Variants in GPC5 observed in about 807,000 individuals in gnomAD.
GPC5 encodes glypican-5.
Under a neutral mutation model 53.9 loss-of-function variants are expected in GPC5, and 47 were observed. The observed-to-expected ratio is 0.87, with a 90% CI of 0.69 to 1.11. GPC5 has a LOEUF of 1.11. Ranked by LOEUF, GPC5 falls within the 50% of genes most tolerant of loss-of-function variation. The pLI, the probability that GPC5 is intolerant of heterozygous loss-of-function variation, is 0.00. For synonymous variants in GPC5, 286 were observed against 263.3 expected (o/e 1.09, Z -0.84); for missense variants, 748 against 713.1 (o/e 1.05, Z -0.56).
chr13:91,828,920 A>T (rs566741553), intron 5 of GPC5, among the ~76,000 whole-genome samples: 72 of 152,232 alleles, frequency 4.7e-4, no homozygotes, highest in African/African-American at 1.5e-3. Context: ...TTCAGCCAAA[A>T]ATGATGAATA....
intron 5 of GPC5, among the ~76,000 whole-genome samples, chr13:91,901,197 T>C (rs2039494266): frequency 6.6e-6 from 1 of 152,072 alleles, no homozygotes; most frequent in Non-Finnish European, 1.5e-5. Context: ...TAATTCCATT[T>C]ATTTTGACTT....
chr13:92,041,374 G>A (rs2040940301), intron 6 of GPC5, among the ~76,000 whole-genome samples: 1 of 152,200 alleles, frequency 6.6e-6, no homozygotes. Context: ...CACATCAGGA[G>A]TAATCAGAAC....
intron 6 of GPC5, among the ~76,000 whole-genome samples, chr13:92,108,774 A>T (rs1055796812): frequency 2.6e-5 from 4 of 151,614 alleles, no homozygotes; most frequent in African/African-American, 9.7e-5. Context: ...CTCTCATCCT[A>T]CTCTGTTTCT....
intron 7 of GPC5, among the ~76,000 whole-genome samples, chr13:92,294,291 G>A (rs767579841): frequency 6.6e-6 from 1 of 152,094 alleles, no homozygotes; most frequent in African/African-American, 2.4e-5. Flanking sequence ...TTGAATGTCT[G>A]GTAGAATTCA....
intron 7 of GPC5, among the ~76,000 whole-genome samples, chr13:92,382,112 G>T (rs1342748587): frequency 6.6e-6 from 1 of 151,284 alleles, no homozygotes; most frequent in African/African-American, 2.4e-5. Context: ...AAGTAACTCA[G>T]GTATGGAAAA....
rs1218287113 is a variant in GPC5, at chr13:92,514,282, A to G, written c.1562-352000A>G. On this transcript the variant is annotated intron_variant, in intron 7 of 7. Coordinates refer to ENST00000377067, the MANE Select transcript of GPC5 (RefSeq NM_004466.6). ...TTTTCATGTCAGGGATAACATTCTAAGCTGGAAGACTAAGAATTAAGACAT... is the reference window on the plus strand; with the variant it reads ...TTTTCATGTCAGGGATAACATTCTAGGCTGGAAGACTAAGAATTAAGACAT... Among the ~76,000 whole-genome samples the G allele has an allele frequency of 4.6e-5, 7 of 152,144 alleles. No homozygotes were observed. The East Asian group carries it at 1.4e-3, about 30-fold the overall frequency.
chr13:92,668,455 C>A (rs969952490), intron 7 of GPC5, among the ~76,000 whole-genome samples: 1 of 152,124 alleles, frequency 6.6e-6, no homozygotes, highest in Non-Finnish European at 1.5e-5. Context: ...TGGAATATCA[C>A]ATTCAGCAAG....
intron 7 of GPC5, among the ~76,000 whole-genome samples, chr13:92,788,889 G>T (rs187717083): frequency 6.6e-6 from 1 of 152,120 alleles, no homozygotes; most frequent in Non-Finnish European, 1.5e-5. Flanking sequence ...CTAGGCCAAC[G>T]GGTTTCCCCC....
intron 1 of GPC5, among the ~76,000 whole-genome samples, chr13:91,433,199 T>TC (rs1170492553): frequency 6.6e-6 from 1 of 151,440 alleles, no homozygotes; most frequent in Non-Finnish European, 1.5e-5. Context: ...CTTCCCAGGC[T>TC]CTTTTTTTTT....
chr13:91,572,980 C>T (rs1410162607), intron 2 of GPC5, among the ~76,000 whole-genome samples: 1 of 152,124 alleles, frequency 6.6e-6, no homozygotes, highest in Non-Finnish European at 1.5e-5. Context: ...AAAAGGAAAG[C>T]AACTTTTAAT....
At chr13:91,485,253 C>T (rs1263603621) in intron 2 of GPC5, among the ~76,000 whole-genome samples, 2 of 151,536 alleles carry the variant, frequency 1.3e-5, no homozygotes, top group Non-Finnish European at 2.9e-5. Context: ...GTTCTTGTCC[C>T]CCAGTCTGGA....
intron 2 of GPC5, among the ~76,000 whole-genome samples, chr13:91,683,079 T>A (rs1293775109): frequency 6.6e-6 from 1 of 151,142 alleles, no homozygotes; most frequent in African/African-American, 2.4e-5. Flanking sequence ...GAATGGAGGA[T>A]CGCGAGATGG....
chr13:92,235,826 G>A (rs972554704), intron 7 of GPC5, among the ~76,000 whole-genome samples: 3 of 151,836 alleles, frequency 2.0e-5, no homozygotes, highest in East Asian at 3.9e-4. Context: ...TCTTCTCAAA[G>A]TCCCCCTCTC....
intron 5 of GPC5, among the ~76,000 whole-genome samples, chr13:91,899,383 C>G (rs2039474775): frequency 6.6e-6 from 1 of 151,922 alleles, no homozygotes; most frequent in Non-Finnish European, 1.5e-5. Flanking sequence ...AAAAACCAAG[C>G]TACAATTTAA....
At chr13:92,794,150 A>C (rs1342075756) in intron 7 of GPC5, among the ~76,000 whole-genome samples, 1 of 152,104 alleles carries the variant, frequency 6.6e-6, no homozygotes, top group Non-Finnish European at 1.5e-5. Context: ...ATACTGACAA[A>C]CTGTATCCAA....
chr13:92,329,513 A>T (rs1037716390), intron 7 of GPC5, among the ~76,000 whole-genome samples: 4 of 152,062 alleles, frequency 2.6e-5, no homozygotes, highest in South Asian at 2.1e-4. Flanking sequence ...TAAGAATCAC[A>T]TTTCAACATG....
At chr13:92,252,169 C>G (rs2042696986) in intron 7 of GPC5, among the ~76,000 whole-genome samples, 1 of 152,014 alleles carries the variant, frequency 6.6e-6, no homozygotes, top group Non-Finnish European at 1.5e-5. Context: ...GCCTCTGTGA[C>G]AGTATGGCAT....
At chr13:92,663,576 A>AATATAT (rs371066796) in intron 7 of GPC5, among the ~76,000 whole-genome samples, 21 of 134,324 alleles carry the variant, frequency 1.6e-4, no homozygotes, top group African/African-American at 3.6e-4. Flanking sequence ...GTTTCTACTA[A>AATATAT]ATATATATAT....
intron 5 of GPC5, among the ~76,000 whole-genome samples, chr13:91,845,505 C>G (rs1024107945): frequency 1.3e-5 from 2 of 152,108 alleles, no homozygotes; most frequent in Non-Finnish European, 2.9e-5. Context: ...AAGATCTGCT[C>G]TCTTAGCAAA....
Sources: allele counts gnomAD v4.1 joint callset (sites outside exome capture counted in the v4.1 genomes callset), GRCh38; gene constraint gnomAD v4.1.1; transcripts MANE v1.5; gene names NCBI Gene and HGNC (gene_info 2026-07-23, HGNC 2026-07-21).